The following SOX6 variants were observed in gnomAD, a reference collection of about 807,000 sequenced individuals.
The protein encoded by SOX6 is transcription factor SOX-6.
A neutral mutation model predicts 97.8 loss-of-function variants in SOX6; 11 were observed. The observed-to-expected ratio is 0.11, with a 90% confidence interval of 0.07 to 0.19. SOX6 has a LOEUF of 0.19. Ranked by LOEUF, SOX6 falls within the 10% of genes least tolerant of loss-of-function variation. The pLI, the probability that SOX6 is intolerant of heterozygous loss-of-function variation, is 1.00. For missense variants in SOX6, 810 were observed against 1,039.5 expected (o/e 0.78, Z 3.04); for synonymous variants, 360 against 371.4 (o/e 0.97, Z 0.35).
intron 6 of SOX6, among the ~76,000 whole-genome samples, chr11:16,167,325 A>G (rs1444083489): frequency 6.6e-6 from 1 of 152,026 alleles, no homozygotes; most frequent in African/African-American, 2.4e-5. Flanking sequence ...ATATATCTAG[A>G]ATTGACTTCT....
chr11:16,031,464 T>G (rs966870077), intron 12 of SOX6: 2 of 152,204 alleles, frequency 1.3e-5, no homozygotes, highest in African/African-American at 2.4e-5. Flanking sequence ...GGTTAATTCT[T>G]ATGCGGCTTT....
At chr11:16,562,506 G>C (rs2133192862) in intron 4 of SOX6, among the ~76,000 whole-genome samples, 1 of 152,210 alleles carries the variant, frequency 6.6e-6, no homozygotes, top group East Asian at 1.9e-4. Flanking sequence ...TCTAACTCCA[G>C]ATAAACACTG....
intron 13 of SOX6, among the ~76,000 whole-genome samples, chr11:15,992,839 G>A (rs1854097424): frequency 6.6e-6 from 1 of 152,066 alleles, no homozygotes; most frequent in Admixed American, 6.6e-5. Flanking sequence ...AAAGATAGAT[G>A]TTTTCAACAA....
chr11:16,547,189 T>A (rs1847631342), intron 4 of SOX6, among the ~76,000 whole-genome samples: 1 of 152,148 alleles, frequency 6.6e-6, no homozygotes, highest in Admixed American at 6.5e-5. Flanking sequence ...ACAACCACTA[T>A]GGAAAACAGT....
chr11:16,656,499 G>A (rs980760914), intron 3 of SOX6, among the ~76,000 whole-genome samples: 1 of 152,108 alleles, frequency 6.6e-6, no homozygotes, highest in Non-Finnish European at 1.5e-5. Flanking sequence ...CCTTGGTTAA[G>A]CTAAAACTCA....
chr11:16,660,715 T>C (rs1214534241), intron 3 of SOX6, among the ~76,000 whole-genome samples: 2 of 152,200 alleles, frequency 1.3e-5, no homozygotes, highest in Non-Finnish European at 2.9e-5. Context: ...CTCTTATAGA[T>C]GGGATTAGTA....
intron 3 of SOX6, among the ~76,000 whole-genome samples, chr11:16,298,683 T>C (rs1017422299): frequency 2.0e-5 from 3 of 152,274 alleles, no homozygotes; most frequent in African/African-American, 7.2e-5. Context: ...AACTTCTTCT[T>C]AACTCTTATA....
chr11:16,552,292 T>C (rs1373050400), intron 4 of SOX6, among the ~76,000 whole-genome samples: 1 of 152,174 alleles, frequency 6.6e-6, no homozygotes, highest in Non-Finnish European at 1.5e-5. Flanking sequence ...GCATGCTGTA[T>C]AGCCGACATT....
intron 3 of SOX6, among the ~76,000 whole-genome samples, chr11:16,686,190 A>G (rs1847967821): frequency 6.6e-6 from 1 of 152,280 alleles, no homozygotes; most frequent in Non-Finnish European, 1.5e-5. Flanking sequence ...CTTGGCTATT[A>G]GCACATGGTT....
chr11:16,390,100 G>C (rs1858125303), intron 1 of SOX6, among the ~76,000 whole-genome samples: 1 of 151,104 alleles, frequency 6.6e-6, no homozygotes, highest in African/African-American at 2.4e-5. Flanking sequence ...GGCTACTTGA[G>C]ATCAATCCTG....
At chr11:16,656,613 T>A (rs563368878) in intron 3 of SOX6, among the ~76,000 whole-genome samples, 14 of 152,320 alleles carry the variant, frequency 9.2e-5, no homozygotes, top group African/African-American at 2.4e-4. Flanking sequence ...TAATTCATAC[T>A]TTTTATACTT....
chr11:16,466,569 T>C (rs1860036080), intron 1 of SOX6, among the ~76,000 whole-genome samples: 1 of 151,386 alleles, frequency 6.6e-6, no homozygotes, highest in South Asian at 2.1e-4. Flanking sequence ...TTGAAAACTA[T>C]ACATCTGATA....
chr11:16,307,748 G>A (rs1404829368), intron 3 of SOX6, among the ~76,000 whole-genome samples: 2 of 152,058 alleles, frequency 1.3e-5, no homozygotes, highest in African/African-American at 2.4e-5. Flanking sequence ...TGTTGTTGCC[G>A]CTGTAATGGT....
intron 1 of SOX6, among the ~76,000 whole-genome samples, chr11:16,415,175 T>TA (rs1366284703): frequency 2.0e-5 from 3 of 152,188 alleles, no homozygotes; most frequent in Non-Finnish European, 4.4e-5. Flanking sequence ...CCTAGACATG[T>TA]AAATTACCTG....
intron 4 of SOX6, among the ~76,000 whole-genome samples, chr11:16,530,093 A>C (rs1861219049): frequency 6.6e-6 from 1 of 152,030 alleles, no homozygotes; most frequent in Admixed American, 6.6e-5. Context: ...ACAGCTTTGC[A>C]GTCAGATAGA....
intron 3 of SOX6, among the ~76,000 whole-genome samples, chr11:16,235,740 C>T (rs879742064): frequency 6.6e-6 from 1 of 151,916 alleles, no homozygotes; most frequent in Non-Finnish European, 1.5e-5. Flanking sequence ...TTATTTTCTC[C>T]AGCTTCTAAA....
At chr11:16,646,416 A>C (rs549123311) in intron 3 of SOX6, 1 of 151,296 alleles carries the variant, frequency 6.6e-6, no homozygotes, top group Non-Finnish European at 1.5e-5. Flanking sequence ...TATTTATATC[A>C]TCTAATTTTG....
In SOX6 at chr11:16,504,435, T is replaced by C. The variant is rs150163305; in HGVS notation, n.610-28047A>G. ...CATATAAAAATCTGAAGTAATTCTA[T>C]GCACCAATAATAAATTAGCTGAGAA... is the stretch of plus-strand genomic sequence containing the variant. On this transcript the variant is annotated intron_variant and non_coding_transcript_variant, in intron 4 of 5. Transcript: ENST00000524520. Among the ~76,000 whole-genome samples, 1,045 of 152,056 alleles carry C rather than the reference T, an allele frequency of 6.9e-3. 9 individuals carry two copies. Among genetic ancestry groups the C allele is most frequent in the African/African-American group, 0.024 (993 of 41,518 alleles).
chr11:16,320,773 T>C (rs1031662113), intron 2 of SOX6, among the ~76,000 whole-genome samples: 2 of 152,180 alleles, frequency 1.3e-5, no homozygotes, highest in Non-Finnish European at 1.5e-5. Flanking sequence ...ATGGTACATA[T>C]ATTATATCTC....
Sources: allele counts gnomAD v4.1 joint callset (sites outside exome capture counted in the v4.1 genomes callset), GRCh38; gene constraint gnomAD v4.1.1; transcripts MANE v1.5; gene names NCBI Gene and HGNC (gene_info 2026-07-23, HGNC 2026-07-21).